PUDP: variants seen among roughly 807,000 people sequenced by gnomAD.
The protein encoded by PUDP is pseudouridine 5'-phosphatase.
A neutral mutation model predicts 9.4 loss-of-function variants in PUDP; 8 were observed. The observed-to-expected ratio is 0.85, with a 90% confidence interval of 0.50 to 1.53. PUDP has a LOEUF of 1.53. Ranked by LOEUF, PUDP falls within the 40% of genes most tolerant of loss-of-function variation. The pLI, the probability that PUDP is intolerant of heterozygous loss-of-function variation, is 0.00. For missense variants in PUDP, 188 were observed against 189.7 expected (o/e 0.99, Z 0.05); for synonymous variants, 99 against 80.7 (o/e 1.23, Z -1.22).
intron 1 of PUDP, among the ~76,000 whole-genome samples, chrX:7,133,527 C>T (rs1230314497): frequency 1.8e-5 from 2 of 112,123 alleles, no homozygotes; most frequent in African/African-American, 6.5e-5. Context: ...GTGCCCTCTG[C>T]ACCTAGCAGC....
chrX:7,058,679 A>G (rs894345283), intron 3 of PUDP, among the ~76,000 whole-genome samples: 1 of 112,556 alleles, frequency 8.9e-6, no homozygotes. Flanking sequence ...ATACATATAC[A>G]CTATTAGATG....
intron 1 of PUDP, among the ~76,000 whole-genome samples, chrX:7,032,899 CTTGA>C (rs1929809951): frequency 9.0e-6 from 1 of 111,726 alleles, no homozygotes; most frequent in East Asian, 2.8e-4. Flanking sequence ...TGAGTGTCAA[CTTGA>C]TTGGATTGAA....
chrX:6,846,409 CAA>C (rs55712277), intron 3 of PUDP, among the ~76,000 whole-genome samples: 36 of 63,382 alleles, frequency 5.7e-4, no homozygotes, highest in East Asian at 1.4e-3. Context: ...GACTCCCTCT[CAA>C]AAAAAAAAAA....
At chrX:7,024,891 G>A (rs1197021613) in intron 1 of PUDP, among the ~76,000 whole-genome samples, 1 of 108,414 alleles carries the variant, frequency 9.2e-6, no homozygotes, top group Non-Finnish European at 1.9e-5. Context: ...GCACCTGGCC[G>A]ACATAACCTA....
intron 3 of PUDP, among the ~76,000 whole-genome samples, chrX:6,746,242 G>T (rs745753949): frequency 6.7e-4 from 75 of 111,882 alleles, no homozygotes; most frequent in Non-Finnish European, 1.2e-3. Flanking sequence ...AGAATCAATG[G>T]TTAATGCTTG....
At chrX:6,818,407 C>G (rs1190106159) in intron 3 of PUDP, among the ~76,000 whole-genome samples, 2 of 112,418 alleles carry the variant, frequency 1.8e-5, no homozygotes, top group African/African-American at 6.5e-5. Flanking sequence ...ATACACCTGT[C>G]AGCCATAGCT....
chrX:6,980,186 C>T (rs1034378867), intron 1 of PUDP, among the ~76,000 whole-genome samples: 28 of 90,183 alleles, frequency 3.1e-4, no homozygotes, highest in African/African-American at 1.1e-3. Context: ...TCCCTTCTTC[C>T]TTCCTTCTTC....
chrX:6,762,353 G>A (rs1314519252), intron 3 of PUDP, among the ~76,000 whole-genome samples: 1 of 112,347 alleles, frequency 8.9e-6, no homozygotes, highest in African/African-American at 3.2e-5. Flanking sequence ...AACATTGAGG[G>A]ATTGCTCGAT....
chrX:7,095,323 C>G (rs779002128), intron 2 of PUDP, among the ~76,000 whole-genome samples: 7 of 112,259 alleles, frequency 6.2e-5, no homozygotes, highest in Non-Finnish European at 1.3e-4. Flanking sequence ...TGCTTCTTAG[C>G]GGCGGCAGGA....
At chrX:7,124,654 G>A (rs1932430286) in intron 1 of PUDP, among the ~76,000 whole-genome samples, 1 of 111,304 alleles carries the variant, frequency 9.0e-6, no homozygotes, top group African/African-American at 3.3e-5. Context: ...AAGAAACTTT[G>A]GCTATCTTGT....
intron 3 of PUDP, among the ~76,000 whole-genome samples, chrX:6,785,183 G>C (rs1355593233): frequency 8.9e-6 from 1 of 112,478 alleles, no homozygotes; most frequent in Non-Finnish European, 1.9e-5. Flanking sequence ...GATTCGATTT[G>C]ATTCTGGTAA....
intron 3 of PUDP, among the ~76,000 whole-genome samples, chrX:6,758,815 G>A (rs777439773): frequency 1.8e-5 from 2 of 111,337 alleles, no homozygotes; most frequent in East Asian, 2.8e-4. Context: ...CCTCATCAAC[G>A]TGCGGAAGGC....
intron 3 of PUDP, among the ~76,000 whole-genome samples, chrX:6,794,325 GTATCTAAACA>G (rs1056869624): frequency 1.8e-5 from 2 of 111,862 alleles, no homozygotes; most frequent in African/African-American, 3.2e-5. Flanking sequence ...TAGTATTTAT[GTATCTAAACA>G]TATCTAAACA....
At chrX:6,915,948 A>G (rs1489605245) in intron 3 of PUDP, among the ~76,000 whole-genome samples, 1 of 110,784 alleles carries the variant, frequency 9.0e-6, no homozygotes, top group East Asian at 2.8e-4. Context: ...AGGAAACCGT[A>G]GCACAGAAAG....
intron 3 of PUDP, among the ~76,000 whole-genome samples, chrX:6,947,494 A>C (rs1050652237): frequency 2.7e-5 from 3 of 112,575 alleles, no homozygotes; most frequent in African/African-American, 9.7e-5. Context: ...TGCTTTAAAA[A>C]ATATTAAGCT....
chrX:6,959,030 G>A (rs1399796742), intron 3 of PUDP, among the ~76,000 whole-genome samples: 1 of 111,891 alleles, frequency 8.9e-6, no homozygotes, highest in African/African-American at 3.2e-5. Context: ...ATAATTAAAA[G>A]GGAAACAGAA....
Position 6,916,127 on chromosome X carries a change from T to A in PUDP, c.*247+61006A>T, listed in dbSNP as rs766034664. Among the ~76,000 whole-genome samples the A allele has an allele frequency of 2.0e-4, 22 of 107,799 alleles. 1 individual carries two copies. Among genetic ancestry groups the A allele is most frequent in the African/African-American group, 7.1e-4 (21 of 29,557 alleles). 93.6% of individuals were successfully genotyped at this position (107,799 alleles called of 115,157 possible). A position where few individuals can be genotyped will look rare whatever the true frequency, so the allele number is the denominator to read the frequency against. ...ACAGGCTTCCCCGCACACATACACATGTACTGTTATCTCCTTCATGTCAAT... is the reference window on the plus strand; with the variant it reads ...ACAGGCTTCCCCGCACACATACACAAGTACTGTTATCTCCTTCATGTCAAT... On this transcript the variant is annotated intron_variant and NMD_transcript_variant, in intron 3 of 3. Transcript: ENST00000655425.
Position 6,824,858 on chromosome X carries a change from C to G in PUDP, c.*248-118392G>C, listed in dbSNP as rs372955243. On this transcript the variant is annotated intron_variant and NMD_transcript_variant, in intron 3 of 3. Transcript: ENST00000655425. ...TTTAAAATGTTGCCTTTTTAAAATT[C>G]ACTAAATAAAAATAAACATGTTCAG... Among the ~76,000 whole-genome samples, 9 of 112,008 alleles carry G rather than the reference C, an allele frequency of 8.0e-5. 1 individual carries two copies. In the East Asian group the frequency reaches 1.7e-3, roughly 21 times the overall value.
At chrX:6,802,973 A>T (rs1264043990) in intron 3 of PUDP, among the ~76,000 whole-genome samples, 1 of 4,513 alleles carries the variant, frequency 2.2e-4, no homozygotes, top group Non-Finnish European at 3.4e-4. Context: ...AAATAAAATA[A>T]AAATATAAAA....
Sources: allele counts gnomAD v4.1 joint callset (sites outside exome capture counted in the v4.1 genomes callset), GRCh38; gene constraint gnomAD v4.1.1; transcripts MANE v1.5; gene names NCBI Gene and HGNC (gene_info 2026-07-23, HGNC 2026-07-21).